Variants in EYS observed in about 807,000 individuals in gnomAD.
The protein encoded by EYS is EGF-like photoreceptor maintenance factor.
Under a neutral mutation model 282.1 loss-of-function variants are expected in EYS, and 250 were observed. The ratio of observed to expected loss-of-function variants is 0.89; its 90% CI spans 0.80 to 0.98. The LOEUF is 0.98. EYS is among the 50% of genes least tolerant of loss of function. EYS has a pLI of 0.00. For synonymous variants in EYS, 1,355 were observed against 1,282.9 expected (o/e 1.06, Z -1.20); for missense variants, 4,016 against 3,709.0 (o/e 1.08, Z -2.15).
At chr6:64,016,395 G>A (rs1288571956) in intron 33 of EYS, among the ~76,000 whole-genome samples, 1 of 152,080 alleles carries the variant, frequency 6.6e-6, no homozygotes, top group East Asian at 1.9e-4. Flanking sequence ...ATTTGCTCAA[G>A]GTCACAAAGT....
chr6:64,743,458 A>C (rs1285340752), intron 22 of EYS, among the ~76,000 whole-genome samples: 2 of 151,636 alleles, frequency 1.3e-5, no homozygotes, highest in Admixed American at 1.3e-4. Flanking sequence ...ATAATGATTT[A>C]CTGTCAATTT....
At chr6:63,893,834 C>T (rs551262667) in intron 35 of EYS, among the ~76,000 whole-genome samples, 130 of 152,308 alleles carry the variant, frequency 8.5e-4, no homozygotes, top group Middle Eastern at 3.4e-3. Context: ...TCAGCTGACA[C>T]AGCTCAGACA....
At chr6:64,874,940 T>C (rs1466618917) in intron 19 of EYS, among the ~76,000 whole-genome samples, 1 of 151,984 alleles carries the variant, frequency 6.6e-6, no homozygotes, top group Admixed American at 6.6e-5. Context: ...CTGAGATCAC[T>C]CAGTACAGCT....
At chr6:64,036,594 G>T (rs1042480642) in intron 33 of EYS, among the ~76,000 whole-genome samples, 1 of 152,172 alleles carries the variant, frequency 6.6e-6, no homozygotes, top group African/African-American at 2.4e-5. Context: ...GGTGAACAAT[G>T]AGGGCATAAA....
intron 2 of EYS, among the ~76,000 whole-genome samples, chr6:65,616,553 C>T (rs1023259109): frequency 4.0e-5 from 6 of 151,842 alleles, no homozygotes; most frequent in African/African-American, 7.3e-5. Context: ...TTTGGGAGGC[C>T]GAGGTGGGTG....
chr6:64,401,938 C>T lies in EYS; in HGVS notation c.5928-13098G>A, dbSNP rs1773549982. 2.0e-5 allele frequency among the ~76,000 whole-genome samples: 3 copies of T among 152,046 alleles called. No homozygotes were observed. The South Asian group carries it at 6.2e-4, about 32-fold the overall frequency. On this transcript the variant is annotated intron_variant, in intron 28 of 42. Coordinates refer to ENST00000503581, the MANE Select transcript of EYS (RefSeq NM_001142800.2). The stretch of plus-strand genomic sequence containing the variant: ...TTTGGAATTCAAGTCCCCATGTTTC[C>T]TGTTTAGGCTTTTCTTATTTGGTTA...
At chr6:65,695,739 T>A (rs1057038035) in intron 1 of EYS, among the ~76,000 whole-genome samples, 1 of 152,000 alleles carries the variant, frequency 6.6e-6, no homozygotes, top group Non-Finnish European at 1.5e-5. Context: ...TATGGCTCTG[T>A]CAAAAAGTTG....
At chr6:64,024,759 C>T (rs947061142) in intron 33 of EYS, among the ~76,000 whole-genome samples, 5 of 151,962 alleles carry the variant, frequency 3.3e-5, no homozygotes, top group Admixed American at 2.0e-4. Flanking sequence ...TGCAAAGGTC[C>T]GCAGCTTCAC....
At chr6:64,750,898 C>T (rs1038644633) in intron 22 of EYS, among the ~76,000 whole-genome samples, 1 of 152,122 alleles carries the variant, frequency 6.6e-6, no homozygotes, top group Non-Finnish European at 1.5e-5. Context: ...GGCAGAGTCC[C>T]CCTGAGCTGC....
chr6:65,393,067 C>A (rs1320080361), intron 7 of EYS, among the ~76,000 whole-genome samples: 2 of 149,420 alleles, frequency 1.3e-5, no homozygotes, highest in Non-Finnish European at 3.0e-5. Context: ...TAAACTATGG[C>A]AAGAACAAAA....
intron 11 of EYS, among the ~76,000 whole-genome samples, chr6:65,318,588 T>C: frequency 6.8e-6 from 1 of 147,426 alleles, no homozygotes; most frequent in Non-Finnish European, 1.5e-5. Context: ...ATATATTTTG[T>C]ATATATAATT....
intron 5 of EYS, among the ~76,000 whole-genome samples, chr6:65,444,445 T>C (rs1478270130): frequency 6.6e-6 from 1 of 152,002 alleles, no homozygotes; most frequent in Non-Finnish European, 1.5e-5. Flanking sequence ...GGTGCTTACT[T>C]TGCCACAAGG....
intron 1 of EYS, among the ~76,000 whole-genome samples, chr6:65,694,124 C>T (rs368259327): frequency 2.7e-5 from 4 of 149,912 alleles, no homozygotes; most frequent in East Asian, 2.3e-4. Context: ...TGGCACATGC[C>T]TGTCTGTAAT....
intron 24 of EYS, among the ~76,000 whole-genome samples, chr6:64,602,294 TA>T (rs1374204253): frequency 6.6e-6 from 1 of 152,102 alleles, no homozygotes; most frequent in Non-Finnish European, 1.5e-5. Context: ...TAAATTAGGT[TA>T]AAGAGTTGAG....
chr6:65,680,086 T>TCACACACA (rs10650454), intron 1 of EYS, among the ~76,000 whole-genome samples: 25,285 of 147,190 alleles, frequency 0.17, 2,220 homozygotes, highest in African/African-American at 0.24. Context: ...TCCTAAATTT[T>TCACACACA]CACACACACA....
At chr6:65,579,230 C>T (rs1040834488) in intron 2 of EYS, among the ~76,000 whole-genome samples, 3 of 151,860 alleles carry the variant, frequency 2.0e-5, no homozygotes, top group Admixed American at 6.6e-5. Context: ...AAGCCAGTTA[C>T]AAGAATCAAG....
At chr6:64,441,555 C>A (rs565857758) in intron 26 of EYS, among the ~76,000 whole-genome samples, 2 of 152,080 alleles carry the variant, frequency 1.3e-5, no homozygotes, top group Admixed American at 1.3e-4. Flanking sequence ...CAAAAGTGGA[C>A]CAGTTAAGAT....
At chr6:64,581,502 T>C (rs571764632) in intron 26 of EYS, among the ~76,000 whole-genome samples, 1 of 152,284 alleles carries the variant, frequency 6.6e-6, no homozygotes, top group East Asian at 1.9e-4. Context: ...TTTAATGTCA[T>C]TCTATGTAAG....
intron 31 of EYS, among the ~76,000 whole-genome samples, chr6:64,139,752 C>G (rs1383893085): frequency 1.3e-5 from 2 of 151,932 alleles, no homozygotes; most frequent in East Asian, 1.9e-4. Flanking sequence ...GGAAGGATCA[C>G]GAAGTCAGGA....
Sources: gnomAD v4.1 joint callset for allele counts (sites outside exome capture counted in the v4.1 genomes callset) on GRCh38, gnomAD v4.1.1 for gene constraint, MANE v1.5 for transcripts, NCBI Gene and HGNC (gene_info 2026-07-23, HGNC 2026-07-21) for gene names.